The following TMEM132B variants were observed in gnomAD, a reference collection of about 807,000 sequenced individuals.
TMEM132B encodes the protein transmembrane protein 132B.
A neutral mutation model predicts 90.8 loss-of-function variants in TMEM132B; 18 were observed. The ratio of observed to expected loss-of-function variants is 0.20; its 90% CI spans 0.14 to 0.29. TMEM132B has a LOEUF of 0.29. TMEM132B is among the 10% of genes least tolerant of loss of function. TMEM132B has a pLI of 1.00. For missense variants in TMEM132B, 1,096 were observed against 1,326.8 expected, an observed-to-expected ratio of 0.83 and a Z score of 2.70; for synonymous variants, 504 against 523.3, an observed-to-expected ratio of 0.96 and a Z score of 0.50.
At chr12:125,187,309 C>T (rs1565970394) in intron 1 of TMEM132B, among the ~76,000 whole-genome samples, 1 of 152,194 alleles carries the variant, frequency 6.6e-6, no homozygotes, top group Non-Finnish European at 1.5e-5. Flanking sequence ...CCCGGGACAC[C>T]TGCGGGCCCC....
chr12:125,501,106 C>T (rs565084377), intron 3 of TMEM132B, among the ~76,000 whole-genome samples: 1 of 152,298 alleles, frequency 6.6e-6, no homozygotes, highest in South Asian at 2.1e-4. Context: ...AATCCTTCAA[C>T]TTGTCTTTTG....
At chr12:125,567,330 T>C (rs1234267959) in intron 4 of TMEM132B, among the ~76,000 whole-genome samples, 1 of 152,022 alleles carries the variant, frequency 6.6e-6, no homozygotes, top group African/African-American at 2.4e-5. Flanking sequence ...TCTCTATCTG[T>C]ATATCTGTGT....
chr12:125,452,808 A>G lies in TMEM132B; in HGVS notation c.1106+37131A>G, dbSNP rs975843953. 3.9e-5 allele frequency among the ~76,000 whole-genome samples: 6 copies of G among 152,142 alleles called. No homozygotes were observed. The East Asian group carries it at 1.2e-3, about 29-fold the overall frequency. On this transcript the variant is annotated intron_variant, in intron 3 of 8. Coordinates refer to ENST00000682704, the MANE Select transcript of TMEM132B (RefSeq NM_001366854.1). ...AAATCTCTTTTCGTGTCATTTGCCCACTAGCTGATTTTTCATTATTGATTT... is the reference window on the plus strand; with the variant it reads ...AAATCTCTTTTCGTGTCATTTGCCCGCTAGCTGATTTTTCATTATTGATTT...
chr12:125,485,756 G>A (rs1211876740), intron 3 of TMEM132B, among the ~76,000 whole-genome samples: 1 of 152,164 alleles, frequency 6.6e-6, no homozygotes, highest in East Asian at 1.9e-4. Context: ...ACTGTGATGG[G>A]TTAGGCAGGA....
intron 2 of TMEM132B, among the ~76,000 whole-genome samples, chr12:125,409,835 TGGAGTGGA>T (rs1156417881): frequency 7.7e-5 from 1 of 12,968 alleles, no homozygotes; most frequent in Non-Finnish European, 1.5e-4. Context: ...TGGAGTGGAG[TGGAGTGGA>T]GGAGTGGAGT....
At position 125,350,316 on chromosome 12, in the gene TMEM132B, G is replaced by T; in HGVS notation, c.932G>T (p.Ser311Ile). 1.9e-6 allele frequency: 3 copies of T among 1,613,396 alleles called. No individual in the cohort carries two copies. Among genetic ancestry groups the T allele is most frequent in the Non-Finnish European group, 2.5e-6 (3 of 1,179,938 alleles). The change falls in exon 2 of 9, where the codon AGC becomes ATC. Residue 311 changes from serine to isoleucine, a missense_variant. Physicochemically the swap from Ser to Ile is moderately radical, Grantham distance 142 (BLOSUM62 -2). Transcript: ENST00000682704. ...TATFLVSLTS[S>I]SVADQFTLRI... ...ACCTTTTTGGTCTCTCTGACCAGTA[G>T]CTCTGTGGCAGACCAGTTCACTCTT...
At chr12:125,357,970 G>A (rs899175091) in intron 2 of TMEM132B, among the ~76,000 whole-genome samples, 20 of 152,326 alleles carry the variant, frequency 1.3e-4, no homozygotes, top group African/African-American at 4.8e-4. Flanking sequence ...AATCTGTTGG[G>A]TGCGTTCTCC....
chr12:125,447,359 A>C (rs7312041), intron 3 of TMEM132B, among the ~76,000 whole-genome samples: 66,766 of 151,940 alleles, frequency 0.44, 15,856 homozygotes, highest in African/African-American at 0.61. Context: ...GTTATATACC[A>C]TTTTATTGCC....
intron 1 of TMEM132B, among the ~76,000 whole-genome samples, chr12:125,322,561 G>A (rs1024177493): frequency 1.3e-5 from 2 of 152,194 alleles, no homozygotes; most frequent in Admixed American, 6.5e-5. Flanking sequence ...CTTTTGGGGT[G>A]TAGGAAGTAT....
At chr12:125,222,447 G>A (rs933542959) in intron 1 of TMEM132B, among the ~76,000 whole-genome samples, 2 of 152,228 alleles carry the variant, frequency 1.3e-5, no homozygotes, top group East Asian at 3.9e-4. Context: ...CAGCCAAGGC[G>A]ACTAAGGAAA....
intron 3 of TMEM132B, among the ~76,000 whole-genome samples, chr12:125,462,454 A>T (rs1298798311): frequency 6.6e-6 from 1 of 152,212 alleles, no homozygotes; most frequent in Non-Finnish European, 1.5e-5. Context: ...ATAAGTACCC[A>T]AATAATTAAT....
intron 5 of TMEM132B, among the ~76,000 whole-genome samples, chr12:125,590,905 G>T (rs1593009623): frequency 2.0e-5 from 3 of 152,184 alleles, no homozygotes; most frequent in Admixed American, 2.0e-4. Context: ...GGATACAGGG[G>T]TGAGAGTTCC....
At chr12:125,475,085 G>A (rs1368295629) in intron 3 of TMEM132B, among the ~76,000 whole-genome samples, 1 of 152,146 alleles carries the variant, frequency 6.6e-6, no homozygotes, top group East Asian at 1.9e-4. Context: ...ACTAGAAGGG[G>A]GAGGTGGATT....
intron 1 of TMEM132B, among the ~76,000 whole-genome samples, chr12:125,300,609 A>G (rs1033903198): frequency 2.0e-5 from 3 of 152,236 alleles, no homozygotes; most frequent in Non-Finnish European, 2.9e-5. Context: ...TGCCTACTGT[A>G]TACCAGGACC....
At chr12:125,589,135 A>C (rs975839060) in intron 5 of TMEM132B, among the ~76,000 whole-genome samples, 1 of 152,152 alleles carries the variant, frequency 6.6e-6, no homozygotes, top group African/African-American at 2.4e-5. Flanking sequence ...TTTGTCTCCA[A>C]GCTATATTTA....
At chr12:125,368,689 C>T (rs1034814229) in intron 2 of TMEM132B, among the ~76,000 whole-genome samples, 2 of 152,160 alleles carry the variant, frequency 1.3e-5, no homozygotes, top group Middle Eastern at 3.2e-3. Flanking sequence ...AGCTTTGTTC[C>T]TATAGGACAC....
At chr12:125,582,797 A>G (rs755089480) in intron 4 of TMEM132B, among the ~76,000 whole-genome samples, 8 of 152,184 alleles carry the variant, frequency 5.3e-5, no homozygotes, top group Non-Finnish European at 8.8e-5. Context: ...TAAGGTCCCC[A>G]TACAGGAGCT....
intron 3 of TMEM132B, among the ~76,000 whole-genome samples, chr12:125,482,424 C>T (rs1882071309): frequency 1.3e-5 from 2 of 152,176 alleles, no homozygotes; most frequent in South Asian, 4.1e-4. Flanking sequence ...ATCAAAGAAC[C>T]CCATCAAAAA....
At chr12:125,260,722 G>A (rs1874544799) in intron 1 of TMEM132B, among the ~76,000 whole-genome samples, 2 of 152,080 alleles carry the variant, frequency 1.3e-5, no homozygotes, top group African/African-American at 4.8e-5. Context: ...TTACTGGTTT[G>A]TTGTGCTGGT....
Sources: gnomAD v4.1 joint callset for allele counts (sites outside exome capture counted in the v4.1 genomes callset) on GRCh38, gnomAD v4.1.1 for gene constraint, MANE v1.5 for transcripts, NCBI Gene and HGNC (gene_info 2026-07-23, HGNC 2026-07-21) for gene names.